Variants in EIPR1 observed in about 807,000 individuals in gnomAD.
The protein encoded by EIPR1 is EARP complex and GARP complex interacting protein 1, also known as EARP and GARP complex-interacting protein 1.
EIPR1 carries 25 observed loss-of-function variants against 48.1 expected under a neutral mutation model. The ratio of observed to expected loss-of-function variants is 0.52; its 90% CI spans 0.38 to 0.73. The LOEUF (loss-of-function observed/expected upper bound fraction) is 0.73, where lower values mean the gene tolerates loss of function less well. Ranked by LOEUF, EIPR1 falls within the 30% of genes least tolerant of loss-of-function variation. The pLI is 0.00. For synonymous variants in EIPR1, 204 were observed against 201.9 expected, an observed-to-expected ratio of 1.01 and a Z score of -0.09; for missense variants, 415 against 506.2, an observed-to-expected ratio of 0.82 and a Z score of 1.73.
intron 6 of EIPR1, among the ~76,000 whole-genome samples, chr2:3,195,390 C>G (rs1038151885): frequency 3.9e-5 from 6 of 152,220 alleles, no homozygotes; most frequent in Non-Finnish European, 8.8e-5. Context: ...AATTTGCTTC[C>G]TTTATCTGAA....
chr2:3,344,634 CTTTTTTTTTTTTT>C (rs1178498027), intron 2 of EIPR1, among the ~76,000 whole-genome samples: 1 of 74,192 alleles, frequency 1.3e-5, no homozygotes, highest in Non-Finnish European at 2.5e-5. Flanking sequence ...GGTTCTGGTT[CTTTTTTTTTTTTT>C]TTTTTTTTTT....
At position 3,196,922 on chromosome 2, in the gene EIPR1, C is replaced by T. The variant is rs754801494; in HGVS notation, c.612G>A (p.Ala204=). 2.4e-5 allele frequency: 39 copies of T among 1,613,798 alleles called. No homozygotes were observed. Among genetic ancestry groups the T allele is most frequent in the Admixed American group, 6.7e-5 (4 of 59,996 alleles). The change falls in exon 6 of 9, where the codon GCG becomes GCA. Residue 204 remains alanine, a synonymous_variant. Transcript: ENST00000382125. ...PHHNCTQVAT[A]NDTTLRGWDT... The stretch of plus-strand genomic sequence containing the variant: ...CCCAGCCACGGAGGGTGGTGTCGTT[C>T]GCTGTGGCCACCTGGGTGCAGTTAT...
chr2:3,330,045 G>A (rs746627885), intron 3 of EIPR1, among the ~76,000 whole-genome samples: 9 of 152,208 alleles, frequency 5.9e-5, no homozygotes, highest in Non-Finnish European at 1.2e-4. Flanking sequence ...ATGATCTTGC[G>A]GCACCAGCCT....
At chr2:3,269,623 TCG>T (rs1310967266) in intron 3 of EIPR1, among the ~76,000 whole-genome samples, 45 of 132,676 alleles carry the variant, frequency 3.4e-4, no homozygotes, top group South Asian at 7.5e-4. Context: ...ATCACAATCA[TCG>T]CACTCAATCA....
chr2:3,319,080 C>T (rs867732096), intron 3 of EIPR1: 6 of 396,560 alleles, frequency 1.5e-5, no homozygotes, highest in South Asian at 5.6e-5. Flanking sequence ...GATATTTAAT[C>T]TCATTGGCTT....
At chr2:3,296,351 A>C (rs573923495) in intron 3 of EIPR1, among the ~76,000 whole-genome samples, 44 of 77,730 alleles carry the variant, frequency 5.7e-4, no homozygotes, top group African/African-American at 2.0e-3. Context: ...TTCTCTCTCT[A>C]CACACACACA....
At chr2:3,306,633 AAAG>A (rs1668952659) in intron 3 of EIPR1, among the ~76,000 whole-genome samples, 1 of 152,262 alleles carries the variant, frequency 6.6e-6, no homozygotes, top group South Asian at 2.1e-4. Flanking sequence ...TAGCTAGAGA[AAAG>A]AAAACATTTT....
chr2:3,363,247 G>A (rs931710940), intron 1 of EIPR1, among the ~76,000 whole-genome samples: 3 of 152,116 alleles, frequency 2.0e-5, no homozygotes, highest in Non-Finnish European at 4.4e-5. Context: ...GCACTACAAA[G>A]GGAGACGGGC....
intron 3 of EIPR1, among the ~76,000 whole-genome samples, chr2:3,323,082 A>G (rs772683974): frequency 3.3e-5 from 5 of 150,104 alleles, no homozygotes; most frequent in African/African-American, 9.9e-5. Flanking sequence ...CTAATCTTAT[A>G]TTACAGTTCC....
rs73910503 is a variant in EIPR1, at chr2:3,330,829, C to T, written c.259+7188G>A. 6.6e-3 allele frequency among the ~76,000 whole-genome samples: 930 copies of T among 141,396 alleles called. 15 individuals are homozygous for T. Among genetic ancestry groups the T allele is most frequent in the African/African-American group, 0.024 (889 of 36,930 alleles). The allele number at this position is 141,396 out of a possible 152,430, so 92.8% of individuals were successfully genotyped here. On this transcript the variant is annotated intron_variant, in intron 3 of 8. Transcript: ENST00000382125. Reference sequence around the variant, plus strand: ...GAGCAGAGACAGGCACGTGTACACTCGAGATGGTGTGAGCAGAGACAGGTG... The same window carrying T: ...GAGCAGAGACAGGCACGTGTACACTTGAGATGGTGTGAGCAGAGACAGGTG...
Position 3,377,677 on chromosome 2 carries a change from C to A in EIPR1, c.13G>T (p.Ala5Ser). 1 of 1,581,484 alleles carries A rather than the reference C, an allele frequency of 6.3e-7. No individual in the cohort carries two copies. Among genetic ancestry groups the A allele is most frequent in the Admixed American group, 1.8e-5 (1 of 55,868 alleles). Residue 5 changes from alanine (A) to serine (S), a missense_variant, in exon 1 of 9, where the codon GCA becomes TCA. By Grantham distance (99) the Ala-to-Ser change is moderately conservative. Coordinates refer to ENST00000382125, the MANE Select transcript of EIPR1 (RefSeq NM_003310.5). MEDDAPVIYGLEFQA... is the reference protein window; with the variant it reads MEDDSPVIYGLEFQA... ...AACTCCAGCCCGTAGATCACTGGTG[C>A]ATCGTCCTCCATGCTGCGGGGAAGC...
At chr2:3,250,232 G>A (rs1461969686) in intron 4 of EIPR1, among the ~76,000 whole-genome samples, 1 of 152,220 alleles carries the variant, frequency 6.6e-6, no homozygotes, top group Non-Finnish European at 1.5e-5. Flanking sequence ...GGGGACAGCT[G>A]GCCAGGGTTT....
chr2:3,305,025 G>A (rs1419751782), intron 3 of EIPR1, among the ~76,000 whole-genome samples: 87 of 66,534 alleles, frequency 1.3e-3, no homozygotes, highest in East Asian at 2.2e-3. Flanking sequence ...CTCCACTCCT[G>A]TCCAGTTCAA....
intron 3 of EIPR1, among the ~76,000 whole-genome samples, chr2:3,306,116 C>T (rs1668935864): frequency 6.6e-6 from 1 of 152,234 alleles, no homozygotes; most frequent in South Asian, 2.1e-4. Flanking sequence ...CATGGGCACC[C>T]AGCGCAGACG....
chr2:3,214,607 C>T (rs1371380433), intron 4 of EIPR1, among the ~76,000 whole-genome samples: 1 of 152,204 alleles, frequency 6.6e-6, no homozygotes, highest in Non-Finnish European at 1.5e-5. Flanking sequence ...ATCGTCAGAG[C>T]CAGCCTAACC....
At chr2:3,319,545 G>A (rs1265030476) in intron 3 of EIPR1, 1 of 162,012 alleles carries the variant, frequency 6.2e-6, no homozygotes, top group Non-Finnish European at 1.3e-5. Context: ...CCCACCACGA[G>A]TAGTGGAGTT....
At chr2:3,365,981 G>A (rs956111328) in intron 1 of EIPR1, among the ~76,000 whole-genome samples, 1 of 42,938 alleles carries the variant, frequency 2.3e-5, no homozygotes. Context: ...TCAGCCCCCC[G>A]CCCGGCCAGC....
In EIPR1 at chr2:3,189,996, C is replaced by G. The variant is rs577916379; in HGVS notation, c.990-488G>C. ...GAGTCAGAGGCTGGGGCACAAGGAG[C>G]CTTGCTAGGATGGGAGTGGGGCTGG... On this transcript the variant is annotated intron_variant, in intron 8 of 8. Coordinates refer to ENST00000382125, the MANE Select transcript of EIPR1 (RefSeq NM_003310.5). The surrounding 1 kb of genome is among the most constrained non-coding windows in gnomAD (Gnocchi z 4.6). Among the ~76,000 whole-genome samples, 3 of 152,134 alleles carry G rather than the reference C, an allele frequency of 2.0e-5. No individual in the cohort carries two copies. Among genetic ancestry groups the G allele is most frequent in the South Asian group, 2.1e-4 (1 of 4,816 alleles).
intron 4 of EIPR1, among the ~76,000 whole-genome samples, chr2:3,238,714 G>A (rs566580523): frequency 6.6e-6 from 1 of 152,220 alleles, no homozygotes; most frequent in Non-Finnish European, 1.5e-5. Context: ...TTCTGAAAGG[G>A]TTCATCTTGC....
Sources: gnomAD v4.1 joint callset for allele counts (sites outside exome capture counted in the v4.1 genomes callset) on GRCh38, gnomAD v4.1.1 for gene constraint, Gnocchi (gnomAD v3.1) non-coding constraint, MANE v1.5 for transcripts, NCBI Gene and HGNC (gene_info 2026-07-23, HGNC 2026-07-21) for gene names.